Variants in CPE observed in about 807,000 individuals in gnomAD.
The protein encoded by CPE is carbocypeptidase E.
Under a neutral mutation model 53.5 loss-of-function variants are expected in CPE, and 17 were observed. The observed-to-expected ratio is 0.32, with a 90% CI of 0.22 to 0.48. The LOEUF (loss-of-function observed/expected upper bound fraction) is 0.48, where lower values mean the gene tolerates loss of function less well. Ranked by LOEUF, CPE falls within the 20% of genes least tolerant of loss-of-function variation. The pLI is 0.99. For missense variants in CPE, 524 were observed against 614.7 expected (o/e 0.85, Z 1.56); for synonymous variants, 226 against 228.8 (o/e 0.99, Z 0.11).
Position 165,379,667 on chromosome 4 carries a change from G to A in CPE, c.307+139G>A. 1.1e-6 allele frequency: 1 copy of A among 879,740 alleles called. No homozygotes were observed. Among genetic ancestry groups the A allele is most frequent in the Non-Finnish European group, 1.6e-6 (1 of 612,238 alleles). 54.5% of individuals were successfully genotyped at this position (879,740 alleles called of 1,614,324 possible). Reference sequence around the variant, plus strand: ...TAAAAGGTATCTAAGGTGGAAGGTGGGAAGTGGAGGGAGGGATGGAAATGG... The same window carrying A: ...TAAAAGGTATCTAAGGTGGAAGGTGAGAAGTGGAGGGAGGGATGGAAATGG... On this transcript the variant is annotated intron_variant, in intron 1 of 8. Coordinates refer to ENST00000402744, the MANE Select transcript of CPE (RefSeq NM_001873.4). This position sits in a 1 kb window ranked among gnomAD's most constrained non-coding sequence, Gnocchi z 6.0.
At chr4:165,388,606 C>T (rs1213662859) in intron 1 of CPE, among the ~76,000 whole-genome samples, 3 of 152,130 alleles carry the variant, frequency 2.0e-5, no homozygotes, top group Non-Finnish European at 2.9e-5. Context: ...ACTGTATAAC[C>T]AGTGGATACA....
chr4:165,390,714 C>T (rs752596007), intron 1 of CPE, among the ~76,000 whole-genome samples: 5 of 152,106 alleles, frequency 3.3e-5, no homozygotes, highest in African/African-American at 7.2e-5. Flanking sequence ...GTATGAGTAA[C>T]ACACATTTTT....
At chr4:165,493,365 C>A in intron 7 of CPE, 95 bp downstream of exon 7, 1 of 854,116 alleles carries the variant, frequency 1.2e-6, no homozygotes, top group Non-Finnish European at 1.9e-6. Context: ...CTAAGCAAAA[C>A]AAATAGCTCG....
intron 1 of CPE, among the ~76,000 whole-genome samples, chr4:165,463,416 A>G (rs534999569): frequency 2.0e-5 from 3 of 152,304 alleles, no homozygotes; most frequent in South Asian, 4.1e-4. Flanking sequence ...AACCTTCCGT[A>G]TGGGCTAGAA....
chr4:165,495,650 G>A lies in CPE; in HGVS notation c.1305G>A (p.Val435=), dbSNP rs1273517962. Residue 435 remains valine (V), a synonymous_variant, in exon 8 of 9, where the codon GTG becomes GTA. Coordinates refer to ENST00000402744, the MANE Select transcript of CPE (RefSeq NM_001873.4). ...GCTATCTGGCAATAACAAAGAAAGT[G>A]GCAGTTCCTTACAGCCCTGCTGCTG... is the stretch of plus-strand genomic sequence containing the variant. ...APGYLAITKK[V]AVPYSPAAGV... is the part of the protein sequence containing the mutation. 1.2e-6 allele frequency: 2 copies of A among 1,613,296 alleles called. No individual in the cohort carries two copies. The highest frequency in any genetic ancestry group is 2.7e-5 in the African/African-American group (2 of 74,900).
chr4:165,465,834 T>C (rs1425971784), intron 2 of CPE, among the ~76,000 whole-genome samples: 1 of 152,210 alleles, frequency 6.6e-6, no homozygotes, highest in East Asian at 1.9e-4. Context: ...TTAGTTATTC[T>C]TCTAAATATT....
intron 3 of CPE, among the ~76,000 whole-genome samples, chr4:165,472,778 T>G (rs1732231733): frequency 6.6e-6 from 1 of 152,228 alleles, no homozygotes; most frequent in South Asian, 2.1e-4. Context: ...ATCCACATTT[T>G]TATGCCTTTT....
intron 2 of CPE, among the ~76,000 whole-genome samples, chr4:165,465,568 T>C (rs960264615): frequency 1.3e-5 from 2 of 152,130 alleles, no homozygotes; most frequent in African/African-American, 2.4e-5. Context: ...GTGGGAAATA[T>C]ATCTATATCA....
At chr4:165,479,564 A>T (rs1439983139) in intron 3 of CPE, among the ~76,000 whole-genome samples, 1 of 152,242 alleles carries the variant, frequency 6.6e-6, no homozygotes, top group East Asian at 1.9e-4. Context: ...CATAAAGAAA[A>T]GATCAATAGG....
intron 3 of CPE, among the ~76,000 whole-genome samples, chr4:165,476,628 A>T (rs1732306582): frequency 1.3e-5 from 2 of 151,956 alleles, no homozygotes; most frequent in Admixed American, 1.3e-4. Context: ...ACCAATTATT[A>T]TTTTAGAGAG....
intron 1 of CPE, among the ~76,000 whole-genome samples, chr4:165,402,472 G>A (rs1176675112): frequency 6.6e-6 from 1 of 152,294 alleles, no homozygotes; most frequent in Admixed American, 6.5e-5. Context: ...GTTGGAGACG[G>A]AGCCTGTTGG....
At chr4:165,468,608 C>T (rs1254748169) in intron 3 of CPE, among the ~76,000 whole-genome samples, 1 of 152,140 alleles carries the variant, frequency 6.6e-6, no homozygotes, top group African/African-American at 2.4e-5. Flanking sequence ...CACCAGTTAC[C>T]ACCTCTCAGC....
intron 1 of CPE, among the ~76,000 whole-genome samples, chr4:165,407,162 G>A (rs1194659681): frequency 6.6e-6 from 1 of 152,160 alleles, no homozygotes; most frequent in Non-Finnish European, 1.5e-5. Context: ...TTCAGGAACT[G>A]CCAGACTGTT....
chr4:165,422,976 CAA>C lies in CPE; in HGVS notation c.308-41394_308-41393del, dbSNP rs58058891. Among the ~76,000 whole-genome samples, 248 of 76,994 alleles carry C rather than the reference CAA, an allele frequency of 3.2e-3. 1 individual carries two copies. Among genetic ancestry groups the C allele is most frequent in the African/African-American group, 0.01 (217 of 21,076 alleles). The allele number at this position is 76,994 out of a possible 152,430, so 50.5% of individuals were successfully genotyped here. A position where few individuals can be genotyped will look rare whatever the true frequency, so the allele number is the denominator to read the frequency against. On this transcript the variant is annotated intron_variant, in intron 1 of 8. Coordinates refer to ENST00000402744, the MANE Select transcript of CPE (RefSeq NM_001873.4). ...TGGGCGACAGAACGAAACTCTGTCT[CAA>C]AAAAAAAAAAAAAAAAAAAGATATA... is the stretch of plus-strand genomic sequence containing the variant.
At position 165,487,563 on chromosome 4, in the gene CPE, A is replaced by G; in HGVS notation, c.1099A>G (p.Ser367Gly). 1 of 1,614,092 alleles carries G rather than the reference A, an allele frequency of 6.2e-7. No individual in the cohort carries two copies. Among genetic ancestry groups the G allele is most frequent in the Non-Finnish European group, 8.5e-7 (1 of 1,179,996 alleles). ...GGAGGATAACAAAAACTCCCTCATT[A>G]GCTACCTTGAGCAGGTAAACACAGT... is the stretch of plus-strand genomic sequence containing the variant. ...YWEDNKNSLI[S>G]YLEQIHRGVK... Residue 367 changes from serine (S) to glycine (G), a missense_variant, in exon 6 of 9, where the codon AGC (serine) becomes GGC (glycine). Physicochemically the swap from Ser to Gly is moderately conservative, Grantham distance 56. Coordinates refer to ENST00000402744, the MANE Select transcript of CPE (RefSeq NM_001873.4).
chr4:165,497,071 G>A lies in CPE; in HGVS notation c.1333-441G>A, dbSNP rs1466906493. Among the ~76,000 whole-genome samples, 4 of 151,964 alleles carry A rather than the reference G, an allele frequency of 2.6e-5. No homozygotes were observed. In the South Asian group the frequency reaches 8.3e-4, roughly 32 times the overall value. ...CTGAGTAGCTGGGATTACAGCGTGC[G>A]CCACCGTGCCCGGCTAATTTTTGTA... is the stretch of plus-strand genomic sequence containing the variant. On this transcript the variant is annotated intron_variant, in intron 8 of 8. Transcript: ENST00000402744.
At chr4:165,428,004 A>ATC (rs34626941) in intron 1 of CPE, among the ~76,000 whole-genome samples, 4 of 150,506 alleles carry the variant, frequency 2.7e-5, no homozygotes, top group East Asian at 3.9e-4. Context: ...CTGTATTTTC[A>ATC]TCTCTCTCTC....
intron 1 of CPE, among the ~76,000 whole-genome samples, chr4:165,411,185 G>T (rs1731037874): frequency 6.6e-6 from 1 of 152,128 alleles, no homozygotes; most frequent in African/African-American, 2.4e-5. Flanking sequence ...TCCGTGGAAA[G>T]AAATTATTAA....
Position 165,379,162 on chromosome 4 carries a change from G to A in CPE, c.-60G>A, listed in dbSNP as rs922167029. ...GCGCCGGCGGGCTAAGCCCAGGGCCGGGCAGACAAAAGAGGCCGCCCGCGT... is the reference window on the plus strand; with the variant it reads ...GCGCCGGCGGGCTAAGCCCAGGGCCAGGCAGACAAAAGAGGCCGCCCGCGT... On this transcript the variant is annotated 5_prime_UTR_variant, in exon 1 of 9. Coordinates refer to ENST00000402744, the MANE Select transcript of CPE (RefSeq NM_001873.4). The surrounding 1 kb of genome is among the most constrained non-coding windows in gnomAD (Gnocchi z 6.0). 2.5e-6 allele frequency: 3 copies of A among 1,206,668 alleles called. No homozygotes were observed. Among genetic ancestry groups the A allele is most frequent in the Non-Finnish European group, 2.1e-6 (2 of 970,882 alleles). The allele number at this position is 1,206,668 out of a possible 1,614,324, so 74.7% of individuals were successfully genotyped here. A position where few individuals can be genotyped will look rare whatever the true frequency, so the allele number is the denominator to read the frequency against.
Sources: allele counts gnomAD v4.1 joint callset (sites outside exome capture counted in the v4.1 genomes callset), GRCh38; gene constraint gnomAD v4.1.1; non-coding constraint Gnocchi (gnomAD v3.1); transcripts MANE v1.5; gene names NCBI Gene and HGNC (gene_info 2026-07-23, HGNC 2026-07-21).